Variants in XKR6 observed in about 807,000 individuals in gnomAD.
The protein encoded by XKR6 is XK-related protein 6.
A neutral mutation model predicts 56.7 loss-of-function variants in XKR6; 22 were observed. The ratio of observed to expected loss-of-function variants is 0.39; its 90% CI spans 0.28 to 0.55. The LOEUF (loss-of-function observed/expected upper bound fraction) is 0.55. Ranked by LOEUF, XKR6 falls within the 20% of genes least tolerant of loss-of-function variation. The pLI is 0.66. For synonymous variants in XKR6, 524 were observed against 387.8 expected (o/e 1.35, Z -4.13); for missense variants, 852 against 889.0 (o/e 0.96, Z 0.53).
Position 11,100,026 on chromosome 8 carries a change from T to G in XKR6, c.764+100550A>C, listed in dbSNP as rs143834289. Reference sequence around the variant, plus strand: ...TGGGAGGGAGAGGGGGTGCAGCCAGTTTAAGTAGGGCTCATTTTTTTTCTT... The same window carrying G: ...TGGGAGGGAGAGGGGGTGCAGCCAGGTTAAGTAGGGCTCATTTTTTTTCTT... On this transcript the variant is annotated intron_variant, in intron 1 of 2. Transcript: ENST00000416569. Among the ~76,000 whole-genome samples the G allele has an allele frequency of 1.9e-3, 296 of 152,188 alleles. 1 individual carries two copies. Among genetic ancestry groups the G allele is most frequent in the African/African-American group, 7.0e-3 (289 of 41,530 alleles).
intron 1 of XKR6, among the ~76,000 whole-genome samples, chr8:11,090,411 T>C (rs1441514603): frequency 2.0e-5 from 3 of 152,046 alleles, no homozygotes; most frequent in African/African-American, 7.2e-5. Flanking sequence ...AATGGTTTTT[T>C]TTTTTTCTTA....
chr8:11,188,798 GA>G (rs1297404329), intron 1 of XKR6, among the ~76,000 whole-genome samples: 1 of 152,142 alleles, frequency 6.6e-6, no homozygotes, highest in Non-Finnish European at 1.5e-5. Flanking sequence ...CAAGTCCACA[GA>G]CCCCAGGCCC....
chr8:11,136,245 C>T (rs577562517), intron 1 of XKR6, among the ~76,000 whole-genome samples: 175 of 152,254 alleles, frequency 1.1e-3, no homozygotes, highest in African/African-American at 4.1e-3. Context: ...CCTGGCGCGG[C>T]GGCTCACGCC....
chr8:10,962,069 G>T (rs1332512544), intron 1 of XKR6, among the ~76,000 whole-genome samples: 1 of 152,348 alleles, frequency 6.6e-6, no homozygotes, highest in East Asian at 1.9e-4. Flanking sequence ...ATTCTTTGAA[G>T]TACAATGAAA....
chr8:11,113,446 T>C (rs999693757), intron 1 of XKR6, among the ~76,000 whole-genome samples: 1 of 152,204 alleles, frequency 6.6e-6, no homozygotes, highest in African/African-American at 2.4e-5. Flanking sequence ...AACCAAAAAA[T>C]ATATTTGAAC....
chr8:10,911,065 C>CA (rs1800343266), intron 2 of XKR6, among the ~76,000 whole-genome samples: 1 of 152,152 alleles, frequency 6.6e-6, no homozygotes. Context: ...AGGTTCCGTA[C>CA]AAACAGCTGG....
intron 1 of XKR6, among the ~76,000 whole-genome samples, chr8:11,038,350 T>A (rs894449938): frequency 6.6e-6 from 1 of 152,206 alleles, no homozygotes; most frequent in Non-Finnish European, 1.5e-5. Flanking sequence ...GTCCTTATGA[T>A]GTCATGTGAG....
chr8:11,125,323 C>T (rs1160189154), intron 1 of XKR6, among the ~76,000 whole-genome samples: 1 of 152,050 alleles, frequency 6.6e-6, no homozygotes, highest in African/African-American at 2.4e-5. Flanking sequence ...GACCCTAGAA[C>T]CCCGCACAAT....
intron 1 of XKR6, among the ~76,000 whole-genome samples, chr8:11,072,904 G>A (rs1800169943): frequency 6.6e-6 from 1 of 152,146 alleles, no homozygotes; most frequent in Non-Finnish European, 1.5e-5. Context: ...ACAAAAATTA[G>A]CCGGGCGTGG....
intron 1 of XKR6, among the ~76,000 whole-genome samples, chr8:11,050,989 C>T (rs544360344): frequency 1.6e-3 from 240 of 152,228 alleles, no homozygotes; most frequent in African/African-American, 5.4e-3. Flanking sequence ...TTCTCTGTTT[C>T]GCCTTGGAGC....
Position 11,200,838 on chromosome 8 carries a change from A to G in XKR6, c.502T>C (p.Phe168Leu). The G allele has an allele frequency of 1.2e-6, 2 of 1,611,874 alleles. No homozygotes were observed. Among genetic ancestry groups the G allele is most frequent in the East Asian group, 2.2e-5 (1 of 44,778 alleles). ...ACCAGCAGCGACGGCACCAGCACGAAGAAGAGGGTCAGCCCGAAGTAGACG... is the reference window on the plus strand; with the variant it reads ...ACCAGCAGCGACGGCACCAGCACGAGGAAGAGGGTCAGCCCGAAGTAGACG... ...DYVYFGLTLF[F>L]VLVPSLLVQS... The change falls in exon 1 of 3, where the codon TTC becomes CTC. Residue 168 changes from phenylalanine (F) to leucine (L), a missense_variant. This residue lies in a region of XKR6 where 417 missense variants were observed against 355.2 expected (regional missense o/e 1.17). Transcript: ENST00000416569. The surrounding 1 kb of genome is among the most constrained non-coding windows in gnomAD (Gnocchi z 6.4).
intron 2 of XKR6, among the ~76,000 whole-genome samples, chr8:10,911,157 A>C (rs1800345829): frequency 6.6e-6 from 1 of 151,536 alleles, no homozygotes; most frequent in Admixed American, 6.6e-5. Context: ...CGTGGGTAAA[A>C]ACATGGATTT....
chr8:10,912,380 G>C (rs1426997847), intron 2 of XKR6, among the ~76,000 whole-genome samples: 2 of 130,262 alleles, frequency 1.5e-5, no homozygotes, highest in African/African-American at 2.8e-5. Flanking sequence ...TATATAGAGA[G>C]AAGGTGAGTA....
chr8:11,018,321 C>T (rs948291775), intron 1 of XKR6, among the ~76,000 whole-genome samples: 1 of 152,196 alleles, frequency 6.6e-6, no homozygotes, highest in Non-Finnish European at 1.5e-5. Flanking sequence ...GTCTAAATTG[C>T]TCCTGAGATG....
intron 1 of XKR6, among the ~76,000 whole-genome samples, chr8:11,017,860 C>G (rs1206759324): frequency 6.6e-6 from 1 of 152,168 alleles, no homozygotes; most frequent in Non-Finnish European, 1.5e-5. Flanking sequence ...ATCCCCGGAT[C>G]CTGAGATGAC....
chr8:10,953,233 C>G (rs1801781304), intron 1 of XKR6, among the ~76,000 whole-genome samples: 1 of 152,242 alleles, frequency 6.6e-6, no homozygotes. Context: ...AAACTGGTCC[C>G]TGGTGCCAAA....
intron 1 of XKR6, among the ~76,000 whole-genome samples, chr8:10,930,175 G>A (rs544388819): frequency 6.6e-6 from 1 of 152,292 alleles, no homozygotes; most frequent in African/African-American, 2.4e-5. Flanking sequence ...TTCTACAAGG[G>A]GCAGGGGGCT....
chr8:11,053,375 G>C (rs749955221), intron 1 of XKR6, among the ~76,000 whole-genome samples: 13 of 152,224 alleles, frequency 8.5e-5, no homozygotes, highest in Non-Finnish European at 1.6e-4. Flanking sequence ...CCTGCCACAA[G>C]GGTAAACCCA....
chr8:11,165,920 T>G (rs973139595), intron 1 of XKR6, among the ~76,000 whole-genome samples: 1 of 151,562 alleles, frequency 6.6e-6, no homozygotes, highest in African/African-American at 2.4e-5. Flanking sequence ...CACTGTTTGA[T>G]GGATACATTC....
Sources: gnomAD v4.1 joint callset for allele counts (sites outside exome capture counted in the v4.1 genomes callset) on GRCh38, gnomAD v4.1.1 for gene constraint, gnomAD v4.1.1 regional missense constraint, Gnocchi (gnomAD v3.1) non-coding constraint, MANE v1.5 for transcripts, NCBI Gene and HGNC (gene_info 2026-07-23, HGNC 2026-07-21) for gene names.